FAM89A: variants seen among roughly 807,000 people sequenced by gnomAD.
FAM89A encodes family with sequence similarity 89 member A.
A neutral mutation model predicts 7.1 loss-of-function variants in FAM89A; 10 were observed. That is an observed-to-expected ratio of 1.40 (90% CI 0.86 to 2.38). The LOEUF is 2.38. Ranked by LOEUF, FAM89A falls within the 30% of genes most tolerant of loss-of-function variation. The pLI is 0.00. For synonymous variants in FAM89A, 157 were observed against 129.3 expected (o/e 1.21, Z -1.45); for missense variants, 276 against 262.8 (o/e 1.05, Z -0.35).
intron 1 of FAM89A, chr1:231,021,700 C>G: frequency 6.3e-7 from 1 of 1,590,578 alleles, no homozygotes; most frequent in South Asian, 1.1e-5. Context: ...CTGAGATTTC[C>G]TTGGAAGCAG....
At chr1:231,026,333 G>T (rs550436417) in intron 1 of FAM89A, 5 of 152,446 alleles carry the variant, frequency 3.3e-5, no homozygotes, top group African/African-American at 1.2e-4. Flanking sequence ...CAACGTGCCA[G>T]TGACACTGCC....
intron 1 of FAM89A, among the ~76,000 whole-genome samples, chr1:231,031,403 T>C (rs966606036): frequency 6.6e-6 from 1 of 152,226 alleles, no homozygotes; most frequent in Non-Finnish European, 1.5e-5. Context: ...GTTCACACTC[T>C]ATTACATTAA....
chr1:231,034,547 C>A (rs562665484), intron 1 of FAM89A, among the ~76,000 whole-genome samples: 2 of 151,920 alleles, frequency 1.3e-5, no homozygotes, highest in African/African-American at 4.8e-5. Flanking sequence ...CTGAAGCGGG[C>A]GGATCATCTG....
chr1:231,024,999 T>G (rs992054795), intron 1 of FAM89A, among the ~76,000 whole-genome samples: 18 of 140,234 alleles, frequency 1.3e-4, no homozygotes, highest in Non-Finnish European at 2.1e-4. Flanking sequence ...CTCGGCTCAC[T>G]GCAAGCTCTG....
chr1:231,027,222 C>T (rs961257207), intron 1 of FAM89A, among the ~76,000 whole-genome samples: 3 of 152,128 alleles, frequency 2.0e-5, no homozygotes, highest in Non-Finnish European at 4.4e-5. Flanking sequence ...CCAGGCCCAC[C>T]GAGGTGATGC....
At chr1:231,021,865 G>A in intron 1 of FAM89A, 1 of 1,589,384 alleles carries the variant, frequency 6.3e-7, no homozygotes, top group African/African-American at 1.3e-5. Flanking sequence ...GGCTGCCCCA[G>A]GACCATGCTG....
intron 1 of FAM89A, among the ~76,000 whole-genome samples, chr1:231,027,860 GC>G (rs1251771262): frequency 6.6e-6 from 1 of 152,220 alleles, no homozygotes. Context: ...GATTGGTTCA[GC>G]CAGTGTTCAT....
intron 1 of FAM89A, among the ~76,000 whole-genome samples, chr1:231,031,709 G>GT (rs1486691324): frequency 6.6e-6 from 1 of 152,140 alleles, no homozygotes; most frequent in Non-Finnish European, 1.5e-5. Flanking sequence ...CACTCATATT[G>GT]TTTTTTCTCT....
intron 1 of FAM89A, among the ~76,000 whole-genome samples, chr1:231,033,921 C>T (rs768060783): frequency 6.6e-6 from 1 of 152,124 alleles, no homozygotes; most frequent in Non-Finnish European, 1.5e-5. Context: ...CCACCCCACA[C>T]CAAAGACATG....
intron 1 of FAM89A, among the ~76,000 whole-genome samples, chr1:231,032,739 T>C (rs191116426): frequency 3.1e-4 from 47 of 152,308 alleles, no homozygotes; most frequent in African/African-American, 1.1e-3. Context: ...ACACTCGCTT[T>C]CACCTGCATC....
Position 231,019,799 on chromosome 1 carries a change from G to A in FAM89A, c.*64C>T, listed in dbSNP as rs148005713. On this transcript the variant is annotated 3_prime_UTR_variant, in exon 2 of 2. Transcript: ENST00000366654. The stretch of plus-strand genomic sequence containing the variant: ...GAGGTGCTTTCTTGCAAGAGAAGCA[G>A]CAAATGATGACAGCGTGTCCAGTAG... 377 of 1,550,338 alleles carry A rather than the reference G, an allele frequency of 2.4e-4. 1 individual carries two copies. Among genetic ancestry groups the A allele is most frequent in the Admixed American group, 1.1e-3 (61 of 55,086 alleles).
At chr1:231,024,032 T>G (rs1368609129) in intron 1 of FAM89A, among the ~76,000 whole-genome samples, 8 of 152,252 alleles carry the variant, frequency 5.3e-5, no homozygotes, top group Non-Finnish European at 1.0e-4. Flanking sequence ...GTTTCTACTA[T>G]TCAGAAACTG....
intron 1 of FAM89A, chr1:231,021,609 C>T (rs1679879242): frequency 2.0e-6 from 3 of 1,475,622 alleles, no homozygotes. Flanking sequence ...CCAAAGAGCA[C>T]AATGAGTACA....
chr1:231,034,977 C>T (rs966411602), intron 1 of FAM89A, among the ~76,000 whole-genome samples: 2 of 152,104 alleles, frequency 1.3e-5, no homozygotes, highest in Non-Finnish European at 1.5e-5. Context: ...GCTAGACATC[C>T]CCAGTCTCCT....
chr1:231,036,971 A>G (rs1046476720), intron 1 of FAM89A, among the ~76,000 whole-genome samples: 1 of 152,258 alleles, frequency 6.6e-6, no homozygotes, highest in African/African-American at 2.4e-5. Flanking sequence ...CTACACACTC[A>G]CTGAAGTCAT....
intron 1 of FAM89A, among the ~76,000 whole-genome samples, chr1:231,034,271 A>G (rs1398596776): frequency 2.0e-5 from 3 of 152,210 alleles, no homozygotes; most frequent in Non-Finnish European, 2.9e-5. Context: ...TAGGCATCAG[A>G]AAGAACCATA....
chr1:231,039,443 G>C (rs947433190), intron 1 of FAM89A, among the ~76,000 whole-genome samples: 1 of 152,240 alleles, frequency 6.6e-6, no homozygotes, highest in Non-Finnish European at 1.5e-5. Flanking sequence ...GCCGGAAAGG[G>C]GGCCGGGCTG....
At chr1:231,037,441 G>A (rs764662871) in intron 1 of FAM89A, among the ~76,000 whole-genome samples, 3 of 152,018 alleles carry the variant, frequency 2.0e-5, no homozygotes, top group Non-Finnish European at 4.4e-5. Flanking sequence ...AATTCCTCCA[G>A]CTTCGGCTTC....
At chr1:231,030,197 C>A (rs1680045404) in intron 1 of FAM89A, among the ~76,000 whole-genome samples, 1 of 152,216 alleles carries the variant, frequency 6.6e-6, no homozygotes, top group South Asian at 2.1e-4. Flanking sequence ...TCAGCTTCAT[C>A]TCCTGTTAAT....
Sources: gnomAD v4.1 joint callset for allele counts (sites outside exome capture counted in the v4.1 genomes callset) on GRCh38, gnomAD v4.1.1 for gene constraint, MANE v1.5 for transcripts, NCBI Gene and HGNC (gene_info 2026-07-23, HGNC 2026-07-21) for gene names.